PPP2R2A: variants seen among roughly 807,000 people sequenced by gnomAD.
PPP2R2A encodes protein phosphatase 2 regulatory subunit Balpha.
In PPP2R2A, 9 loss-of-function variants were observed where a neutral mutation model predicts 53.2. The ratio of observed to expected loss-of-function variants is 0.17; its 90% CI spans 0.10 to 0.30. The LOEUF (loss-of-function observed/expected upper bound fraction) is 0.30, where lower values mean the gene tolerates loss of function less well. Ranked by LOEUF, PPP2R2A falls within the 10% of genes least tolerant of loss-of-function variation. PPP2R2A has a pLI of 1.00. For synonymous variants in PPP2R2A, 169 were observed against 174.2 expected, an observed-to-expected ratio of 0.97 and a Z score of 0.23; for missense variants, 235 against 534.6, an observed-to-expected ratio of 0.44 and a Z score of 5.53.
chr8:26,316,175 C>A (rs762838370), intron 2 of PPP2R2A, among the ~76,000 whole-genome samples: 4 of 151,796 alleles, frequency 2.6e-5, no homozygotes, highest in Non-Finnish European at 5.9e-5. Context: ...CGGCTAATTT[C>A]TTTTGTATTT....
intron 3 of PPP2R2A, among the ~76,000 whole-genome samples, chr8:26,342,489 T>C (rs1054585713): frequency 3.3e-5 from 5 of 152,196 alleles, no homozygotes; most frequent in African/African-American, 1.2e-4. Context: ...TAATTAGCAG[T>C]TGTCAAAGTA....
At chr8:26,327,240 A>C (rs1246357249) in intron 2 of PPP2R2A, among the ~76,000 whole-genome samples, 1 of 152,222 alleles carries the variant, frequency 6.6e-6, no homozygotes, top group Non-Finnish European at 1.5e-5. Context: ...GGAAAGTAGA[A>C]GCTCACCAGC....
rs928812324 is a variant in PPP2R2A at position 26,321,246 on chromosome 8, T to C, written c.83-17644T>C. Among the ~76,000 whole-genome samples, 1 of 152,210 alleles carries C rather than the reference T, an allele frequency of 6.6e-6. No individual in the cohort carries two copies. Among genetic ancestry groups the C allele is most frequent in the Non-Finnish European group, 1.5e-5 (1 of 68,036 alleles). ...GGGGAGCCACTGGACAATTGGTTCA[T>C]GTATTCTGTACTTTGAAACTGGGAT... On this transcript the variant is annotated intron_variant, in intron 2 of 9. Coordinates refer to ENST00000380737, the MANE Select transcript of PPP2R2A (RefSeq NM_002717.4). This position sits in a 1 kb window ranked among gnomAD's most constrained non-coding sequence, Gnocchi z 4.1.
At chr8:26,317,011 A>G (rs1469060559) in intron 2 of PPP2R2A, among the ~76,000 whole-genome samples, 1 of 152,256 alleles carries the variant, frequency 6.6e-6, no homozygotes, top group Non-Finnish European at 1.5e-5. Flanking sequence ...TCTTGAAACT[A>G]AGACAAAGGA....
At chr8:26,358,843 T>C (rs970866288) in intron 4 of PPP2R2A, 1 of 442,354 alleles carries the variant, frequency 2.3e-6, no homozygotes, top group Non-Finnish European at 4.6e-6. Context: ...TGCAGGAGAA[T>C]TCTAAATAAG....
chr8:26,313,363 A>G (rs1016455731), intron 2 of PPP2R2A, among the ~76,000 whole-genome samples: 12 of 152,048 alleles, frequency 7.9e-5, no homozygotes, highest in South Asian at 2.1e-4. Flanking sequence ...CTACATGCTC[A>G]TACAGCTGTT....
Position 26,371,354 on chromosome 8 carries a change from A to AGTT in PPP2R2A, c.*942_*944dup, listed in dbSNP as rs1805657994. 1 of 113,824 alleles carries AGTT rather than the reference A, an allele frequency of 8.8e-6. No homozygotes were observed. The highest frequency in any genetic ancestry group is 2.0e-5 in the Non-Finnish European group (1 of 49,952). 7.1% of individuals were successfully genotyped at this position (113,824 alleles called of 1,614,324 possible). A position where few individuals can be genotyped will look rare whatever the true frequency, so the allele number is the denominator to read the frequency against. The stretch of plus-strand genomic sequence containing the variant: ...GATTTCACAATCTATAAATGCTACT[A>AGTT]GTTTTTTTTTTTTTTTTTACCATCA... On this transcript the variant is annotated 3_prime_UTR_variant, in exon 10 of 10. Transcript: ENST00000380737.
intron 3 of PPP2R2A, among the ~76,000 whole-genome samples, chr8:26,353,284 A>T (rs1469487762): frequency 6.6e-6 from 1 of 152,186 alleles, no homozygotes; most frequent in Non-Finnish European, 1.5e-5. Context: ...TAACATTGGC[A>T]GACTTGCCCT....
At chr8:26,344,290 T>A (rs1355785864) in intron 3 of PPP2R2A, among the ~76,000 whole-genome samples, 4 of 152,204 alleles carry the variant, frequency 2.6e-5, no homozygotes, top group African/African-American at 9.6e-5. Context: ...TTAGAGAGGA[T>A]AAGTAACATT....
intron 2 of PPP2R2A, among the ~76,000 whole-genome samples, chr8:26,296,342 T>C (rs561493387): frequency 6.6e-6 from 1 of 152,246 alleles, no homozygotes; most frequent in Non-Finnish European, 1.5e-5. Flanking sequence ...GTTTATTTGC[T>C]GCTATGGCTA....
At chr8:26,306,012 G>A (rs11996013) in intron 2 of PPP2R2A, among the ~76,000 whole-genome samples, 149,891 of 152,250 alleles carry the variant, frequency 0.98, 73,796 homozygotes, top group East Asian at 1. Context: ...CTACCATACA[G>A]AATTACAAAA....
chr8:26,331,680 T>G (rs73560526), intron 2 of PPP2R2A, among the ~76,000 whole-genome samples: 64 of 152,342 alleles, frequency 4.2e-4, no homozygotes, highest in African/African-American at 1.4e-3. Flanking sequence ...CGTATTAGAA[T>G]ACTACATTGG....
intron 9 of PPP2R2A, among the ~76,000 whole-genome samples, chr8:26,368,775 T>G (rs1805513740): frequency 6.6e-6 from 1 of 152,088 alleles, no homozygotes; most frequent in East Asian, 1.9e-4. Flanking sequence ...CCACCACATT[T>G]CAACCCGGGT....
rs1563324940 is a variant in PPP2R2A, at chr8:26,362,296, A to C, written c.638-388A>C. The stretch of plus-strand genomic sequence containing the variant: ...TGGATCATGAGGTCAGGAGGTCGAG[A>C]CCAGCCTGGCCAACATAGTGAAACC... On this transcript the variant is annotated intron_variant, in intron 6 of 9. Transcript: ENST00000380737. The surrounding 1 kb of genome is among the most constrained non-coding windows in gnomAD (Gnocchi z 4.4). Among the ~76,000 whole-genome samples, 1 of 150,990 alleles carries C rather than the reference A, an allele frequency of 6.6e-6. No homozygotes were observed. Among genetic ancestry groups the C allele is most frequent in the Non-Finnish European group, 1.5e-5 (1 of 67,766 alleles).
chr8:26,349,161 A>G (rs776083677), intron 3 of PPP2R2A, among the ~76,000 whole-genome samples: 1 of 152,200 alleles, frequency 6.6e-6, no homozygotes, highest in Non-Finnish European at 1.5e-5. Context: ...CACTAAAACA[A>G]TGGTCATTAT....
chr8:26,291,662 GC>G lies in PPP2R2A; in HGVS notation c.-154del. 1.6e-6 allele frequency: 1 copy of G among 628,548 alleles called. No homozygotes were observed. The highest frequency in any genetic ancestry group is 2.7e-6 in the Non-Finnish European group (1 of 373,532). The allele number at this position is 628,548 out of a possible 1,614,324, so 38.9% of individuals were successfully genotyped here. A position where few individuals can be genotyped will look rare whatever the true frequency, so the allele number is the denominator to read the frequency against. On this transcript the variant is annotated 5_prime_UTR_variant, in exon 1 of 10. Transcript: ENST00000380737. ...TAGCATCCTGCCGGCTGGTCTGCCC[GC>G]CCCTCCTTCCTTTTCCCCCCGGCCC...
intron 2 of PPP2R2A, among the ~76,000 whole-genome samples, chr8:26,308,550 A>G (rs1802126470): frequency 6.6e-6 from 1 of 152,224 alleles, no homozygotes; most frequent in South Asian, 2.1e-4. Context: ...CTGCTCATCT[A>G]TTGATGGTAT....
At chr8:26,298,875 A>T (rs1801658326) in intron 2 of PPP2R2A, among the ~76,000 whole-genome samples, 1 of 152,202 alleles carries the variant, frequency 6.6e-6, no homozygotes, top group Non-Finnish European at 1.5e-5. Flanking sequence ...ACAGTAAGAA[A>T]TTTTTTCTAA....
intron 3 of PPP2R2A, among the ~76,000 whole-genome samples, chr8:26,342,717 T>C (rs2079718933): frequency 6.6e-6 from 1 of 152,224 alleles, no homozygotes; most frequent in African/African-American, 2.4e-5. Flanking sequence ...CTGGTAACTT[T>C]CTTGGATTTC....
Sources: allele counts gnomAD v4.1 joint callset (sites outside exome capture counted in the v4.1 genomes callset), GRCh38; gene constraint gnomAD v4.1.1; non-coding constraint Gnocchi (gnomAD v3.1); transcripts MANE v1.5; gene names NCBI Gene and HGNC (gene_info 2026-07-23, HGNC 2026-07-21).